The following TMC5 variants were observed in gnomAD, a reference collection of about 807,000 sequenced individuals.
TMC5 encodes the protein transmembrane channel-like protein 5.
Under a neutral mutation model 110.5 loss-of-function variants are expected in TMC5, and 86 were observed. The observed-to-expected ratio is 0.78, with a 90% CI of 0.65 to 0.93. The LOEUF (loss-of-function observed/expected upper bound fraction) is 0.93, where lower values mean the gene tolerates loss of function less well. Among genes scored for constraint, TMC5 ranks in the 40% least tolerant of loss-of-function variants. TMC5 has a pLI of 0.00. For synonymous variants in TMC5, 455 were observed against 439.5 expected (o/e 1.04, Z -0.44); for missense variants, 1,144 against 1,222.8 (o/e 0.94, Z 0.96).
intron 15 of TMC5, among the ~76,000 whole-genome samples, chr16:19,484,934 T>C (rs780316734): frequency 2.4e-4 from 37 of 151,646 alleles, no homozygotes; most frequent in Non-Finnish European, 5.4e-4. Flanking sequence ...CCTTTGATGA[T>C]GAGTTTTACA....
At chr16:19,441,767 G>GT (rs1488560703) in intron 3 of TMC5, among the ~76,000 whole-genome samples, 1 of 151,952 alleles carries the variant, frequency 6.6e-6, no homozygotes, top group Admixed American at 6.6e-5. Context: ...TTTAAGGCCG[G>GT]TTTTTTGTTG....
upstream of TMC5, among the ~76,000 whole-genome samples, chr16:19,415,077 C>G (rs1452651546): frequency 6.6e-6 from 1 of 152,206 alleles, no homozygotes; most frequent in Non-Finnish European, 1.5e-5. Flanking sequence ...CCATATCTAT[C>G]TCCAGCCACC....
At chr16:19,494,988 C>T (rs1375780405) in intron 20 of TMC5, among the ~76,000 whole-genome samples, 2 of 150,570 alleles carry the variant, frequency 1.3e-5, no homozygotes, top group African/African-American at 2.5e-5. Flanking sequence ...TCTCATCTCA[C>T]TATGAATACT....
chr16:19,473,568 G>A (rs71384415), intron 11 of TMC5, among the ~76,000 whole-genome samples: 2 of 152,220 alleles, frequency 1.3e-5, no homozygotes, highest in South Asian at 2.1e-4. Context: ...TCCTGAGTCA[G>A]ACACACCTAG....
chr16:19,420,107 G>A (rs549139488), intron 1 of TMC5, among the ~76,000 whole-genome samples: 3 of 151,984 alleles, frequency 2.0e-5, no homozygotes, highest in African/African-American at 7.2e-5. Flanking sequence ...GACTACAGGC[G>A]TGCACCACCA....
chr16:19,421,577 T>C (rs1778782930), intron 1 of TMC5, among the ~76,000 whole-genome samples: 1 of 152,228 alleles, frequency 6.6e-6, no homozygotes, highest in African/African-American at 2.4e-5. Flanking sequence ...GTCTCAGGTA[T>C]GAAAATGGAC....
At chr16:19,445,733 T>C (rs1967599442) in intron 4 of TMC5, among the ~76,000 whole-genome samples, 1 of 152,046 alleles carries the variant, frequency 6.6e-6, no homozygotes, top group Non-Finnish European at 1.5e-5. Context: ...GGAGGATTGA[T>C]GAGCCTTGAG....
At chr16:19,432,597 A>G (rs1441372131) in intron 2 of TMC5, among the ~76,000 whole-genome samples, 1 of 152,136 alleles carries the variant, frequency 6.6e-6, no homozygotes, top group African/African-American at 2.4e-5. Context: ...CTATTTCCTT[A>G]TGGCCATTTC....
intron 4 of TMC5, among the ~76,000 whole-genome samples, chr16:19,445,522 T>A (rs1967594460): frequency 6.6e-6 from 1 of 152,032 alleles, no homozygotes; most frequent in African/African-American, 2.4e-5. Flanking sequence ...GATTACAGGC[T>A]TGAGCCTGGG....
intron 1 of TMC5, among the ~76,000 whole-genome samples, chr16:19,425,499 T>C (rs866570080): frequency 6.6e-6 from 1 of 152,286 alleles, no homozygotes; most frequent in Middle Eastern, 3.4e-3. Context: ...TACACAGCTT[T>C]ACTGTGTCTC....
intron 13 of TMC5, among the ~76,000 whole-genome samples, chr16:19,478,375 C>T (rs1158444007): frequency 2.0e-5 from 3 of 152,190 alleles, no homozygotes; most frequent in African/African-American, 7.2e-5. Flanking sequence ...CCCTCAACTT[C>T]TCTCCCTAAT....
intron 2 of TMC5, among the ~76,000 whole-genome samples, chr16:19,432,154 T>C (rs1201678423): frequency 6.6e-6 from 1 of 152,168 alleles, no homozygotes; most frequent in Admixed American, 6.5e-5. Flanking sequence ...TATTCTAGGA[T>C]GTAATTGATC....
intron 7 of TMC5, 67 bp from the exon 8 acceptor site, chr16:19,463,709 G>C: frequency 1.9e-6 from 3 of 1,558,686 alleles, no homozygotes; most frequent in Non-Finnish European, 2.6e-6. Context: ...CTGTTATTAT[G>C]GCACCTGCTC....
chr16:19,411,776 A>C (rs966723256), intron 1 of TMC5: 1 of 152,282 alleles, frequency 6.6e-6, no homozygotes, highest in African/African-American at 2.4e-5. Flanking sequence ...CCTGGCACAC[A>C]GTAGATGTCC....
At chr16:19,413,137 C>T (rs186279263), upstream of TMC5, among the ~76,000 whole-genome samples, 3 of 152,262 alleles carry the variant, frequency 2.0e-5, no homozygotes, top group East Asian at 3.9e-4. Context: ...CCCTACCACC[C>T]GCTTCTCATC....
intron 2 of TMC5, among the ~76,000 whole-genome samples, chr16:19,439,239 T>C (rs1275390347): frequency 6.6e-6 from 1 of 152,178 alleles, no homozygotes; most frequent in Admixed American, 6.5e-5. Context: ...TCAGAGCTGG[T>C]GGAGCTCATA....
In TMC5 at chr16:19,435,846, C is replaced by A. The variant is rs1307320657; in HGVS notation, c.-79-4114C>A. Among the ~76,000 whole-genome samples, 3 of 152,240 alleles carry A rather than the reference C, an allele frequency of 2.0e-5. No individual in the cohort carries two copies. In the East Asian group the frequency reaches 5.8e-4, roughly 29 times the overall value. ...TGACATTCATCCATGACGCTGCGTG[C>A]AGCAGAAGTTCAGTCTTTGTTGCCT... On this transcript the variant is annotated intron_variant, in intron 2 of 21. Transcript: ENST00000542583.
intron 1 of TMC5, among the ~76,000 whole-genome samples, chr16:19,426,082 T>C (rs1301858319): frequency 6.6e-6 from 1 of 151,878 alleles, no homozygotes; most frequent in African/African-American, 2.4e-5. Context: ...TAAGTTGTTT[T>C]GTTATCATTG....
At chr16:19,426,556 A>C (rs1267615987) in intron 1 of TMC5, among the ~76,000 whole-genome samples, 2 of 152,064 alleles carry the variant, frequency 1.3e-5, no homozygotes, top group South Asian at 2.1e-4. Context: ...AGTGGGTGCA[A>C]GAGCCAGGAT....
Sources: allele counts gnomAD v4.1 joint callset (sites outside exome capture counted in the v4.1 genomes callset), GRCh38; gene constraint gnomAD v4.1.1; transcripts MANE v1.5; gene names NCBI Gene and HGNC (gene_info 2026-07-23, HGNC 2026-07-21).